The following ABCC1 variants were observed in gnomAD, a reference collection of about 807,000 sequenced individuals.
The protein encoded by ABCC1 is multidrug resistance-associated protein 1.
ABCC1 carries 83 observed loss-of-function variants against 172.9 expected under a neutral mutation model. The observed-to-expected ratio is 0.48, with a 90% CI of 0.40 to 0.58. The LOEUF is 0.58. Ranked by LOEUF, ABCC1 falls within the 20% of genes least tolerant of loss-of-function variation. The pLI, the probability that ABCC1 is intolerant of heterozygous loss-of-function variation, is 0.00. For synonymous variants in ABCC1, 937 were observed against 825.2 expected (o/e 1.14, Z -2.32); for missense variants, 1,817 against 2,002.7 (o/e 0.91, Z 1.77).
At chr16:15,959,455 A>G (rs2046078699) in intron 1 of ABCC1, among the ~76,000 whole-genome samples, 1 of 152,100 alleles carries the variant, frequency 6.6e-6, no homozygotes, top group African/African-American at 2.4e-5. Context: ...CCTCCCAGGT[A>G]GCTGGGACCA....
intron 19 of ABCC1, chr16:16,094,267 C>T: frequency 3.7e-6 from 1 of 266,964 alleles, no homozygotes; most frequent in Non-Finnish European, 7.6e-6. Context: ...AGAGAATCTG[C>T]ATCTGAACCC....
At chr16:16,068,510 A>G (rs1164827383) in intron 13 of ABCC1, among the ~76,000 whole-genome samples, 2 of 152,222 alleles carry the variant, frequency 1.3e-5, no homozygotes, top group Non-Finnish European at 2.9e-5. Flanking sequence ...GCACTTGAGT[A>G]TATGAATCAA....
chr16:16,087,109 T>G (rs1567388018), intron 18 of ABCC1, 118 bp downstream of exon 18: 1 of 1,175,014 alleles, frequency 8.5e-7, no homozygotes, highest in Middle Eastern at 2.9e-4. Context: ...TAATTGGACT[T>G]TAAAGAACAC....
At chr16:16,055,433 C>A (rs1228771610) in intron 11 of ABCC1, among the ~76,000 whole-genome samples, 1 of 151,800 alleles carries the variant, frequency 6.6e-6, no homozygotes, top group Non-Finnish European at 1.5e-5. Flanking sequence ...GTTTATAGTC[C>A]CAGCTACTCA....
chr16:16,132,859 C>A (rs1046714894), intron 27 of ABCC1, among the ~76,000 whole-genome samples: 3 of 152,092 alleles, frequency 2.0e-5, no homozygotes, highest in African/African-American at 4.8e-5. Flanking sequence ...ACTGAAAAAT[C>A]TGGAAGACTT....
intron 1 of ABCC1, among the ~76,000 whole-genome samples, chr16:16,002,095 G>C (rs6498595): frequency 0.85 from 129,898 of 152,136 alleles, 55,995 homozygotes; most frequent in Non-Finnish European, 0.91. Context: ...TTTGTAAGAG[G>C]AACACCAATG....
chr16:16,048,384 A>G, intron 10 of ABCC1, 81 bp downstream of exon 10: 1 of 1,532,826 alleles, frequency 6.5e-7, no homozygotes, highest in East Asian at 2.3e-5. Context: ...GTGGGTGTTG[A>G]TGGTAATGGC....
intron 1 of ABCC1, among the ~76,000 whole-genome samples, chr16:15,979,302 AAACAAAC>A (rs1035655465): frequency 2.0e-5 from 3 of 151,874 alleles, no homozygotes; most frequent in Non-Finnish European, 2.9e-5. Flanking sequence ...ACAAACAAAC[AAACAAAC>A]AAAAAAAAAA....
intron 7 of ABCC1, among the ~76,000 whole-genome samples, chr16:16,042,778 G>A (rs7193363): frequency 0.017 from 2,527 of 151,610 alleles, 33 homozygotes; most frequent in African/African-American, 0.024. Flanking sequence ...TTCATACACC[G>A]CACAATTCAT....
chr16:16,014,174 A>G (rs571957782), intron 3 of ABCC1, among the ~76,000 whole-genome samples: 19 of 152,282 alleles, frequency 1.2e-4, no homozygotes, highest in Admixed American at 1.2e-3. Context: ...GGCTGGGAGC[A>G]GTGGCTCACA....
chr16:16,056,949 G>A (rs1010512618), intron 12 of ABCC1, among the ~76,000 whole-genome samples: 4 of 152,106 alleles, frequency 2.6e-5, no homozygotes, highest in African/African-American at 9.7e-5. Flanking sequence ...ACATTGTGGT[G>A]CTGCGTCCTT....
chr16:16,114,806 G>A lies in ABCC1; in HGVS notation c.3120G>A (p.Gly1040=), dbSNP rs200373090. Reference sequence around the variant, plus strand: ...GCTACTCCATGGCCGTGTCCATCGGGGGGATCTTGGCTTCCCGCTGTCTGC... The same window carrying A: ...GCTACTCCATGGCCGTGTCCATCGGAGGGATCTTGGCTTCCCGCTGTCTGC... The part of the protein sequence containing the change: ...VFGYSMAVSI[G]GILASRCLHV... The change falls in exon 23 of 31, where the codon GGG becomes GGA. Residue 1040 remains glycine, a synonymous_variant. Coordinates refer to ENST00000399410, the MANE Select transcript of ABCC1 (RefSeq NM_004996.4). The A allele has an allele frequency of 1.2e-6, 2 of 1,607,908 alleles. No homozygotes were observed. The highest frequency in any genetic ancestry group is 1.1e-5 in the South Asian group (1 of 91,010).
intron 13 of ABCC1, among the ~76,000 whole-genome samples, chr16:16,068,562 T>G (rs1029700432): frequency 6.6e-6 from 1 of 152,218 alleles, no homozygotes; most frequent in African/African-American, 2.4e-5. Context: ...GAAGAATCTT[T>G]CCGAAATACT....
rs2052026254 is a variant in ABCC1 at position 16,105,242 on chromosome 16, T to C, written c.2736-1496T>C. 2.0e-5 allele frequency among the ~76,000 whole-genome samples: 3 copies of C among 152,166 alleles called. No individual in the cohort carries two copies. The South Asian group carries it at 6.2e-4, about 32-fold the overall frequency. On this transcript the variant is annotated intron_variant, in intron 20 of 30. Coordinates refer to ENST00000399410, the MANE Select transcript of ABCC1 (RefSeq NM_004996.4). Reference sequence around the variant, plus strand: ...GGAGACTCCAGACAGTGCATGAGTGTAGAAGGATGTAAGATTTTCTGTCGA... The same window carrying C: ...GGAGACTCCAGACAGTGCATGAGTGCAGAAGGATGTAAGATTTTCTGTCGA...
chr16:16,092,107 G>A (rs1262305678), intron 19 of ABCC1, among the ~76,000 whole-genome samples: 3 of 152,068 alleles, frequency 2.0e-5, no homozygotes, highest in Non-Finnish European at 2.9e-5. Context: ...GCGTGGTGGC[G>A]CACGCCTATA....
intron 1 of ABCC1, among the ~76,000 whole-genome samples, chr16:16,000,067 A>G (rs892542341): frequency 1.3e-5 from 2 of 149,206 alleles, no homozygotes; most frequent in Non-Finnish European, 3.0e-5. Context: ...ATTAGCCAGG[A>G]TGGTCTTGAA....
chr16:16,026,508 T>G (rs1183834115), intron 5 of ABCC1, among the ~76,000 whole-genome samples: 1 of 107,382 alleles, frequency 9.3e-6, no homozygotes, highest in Non-Finnish European at 1.9e-5. Context: ...GGGGGGACCC[T>G]GTGTTGGCCT....
intron 22 of ABCC1, among the ~76,000 whole-genome samples, chr16:16,112,387 A>C (rs984735723): frequency 4.0e-5 from 6 of 151,088 alleles, no homozygotes; most frequent in South Asian, 4.2e-4. Flanking sequence ...AAAAAAAAAA[A>C]CCCTGCTCTA....
chr16:16,054,065 C>T (rs1478987615), intron 11 of ABCC1, among the ~76,000 whole-genome samples: 4 of 151,926 alleles, frequency 2.6e-5, no homozygotes, highest in South Asian at 4.2e-4. Context: ...ACCTCTGCCT[C>T]CCGGGTTCAA....
Sources: gnomAD v4.1 joint callset for allele counts (sites outside exome capture counted in the v4.1 genomes callset) on GRCh38, gnomAD v4.1.1 for gene constraint, MANE v1.5 for transcripts, NCBI Gene and HGNC (gene_info 2026-07-23, HGNC 2026-07-21) for gene names.